MAF: variants seen among roughly 807,000 people sequenced by gnomAD.
MAF encodes transcription factor Maf.
Under a neutral mutation model 22.0 loss-of-function variants are expected in MAF, and 10 were observed. The ratio of observed to expected loss-of-function variants is 0.45; its 90% confidence interval spans 0.28 to 0.77. The LOEUF (loss-of-function observed/expected upper bound fraction) is 0.77, where lower values mean the gene tolerates loss of function less well. MAF is among the 30% of genes least tolerant of loss of function. MAF has a pLI of 0.12. For missense variants in MAF, 544 were observed against 548.4 expected, an observed-to-expected ratio of 0.99 and a Z score of 0.08; for synonymous variants, 337 against 255.8, an observed-to-expected ratio of 1.32 and a Z score of -3.03.
At chr16:79,557,548 A>G in the MAF span, among the ~76,000 whole-genome samples, 1 of 152,086 alleles carries the variant, frequency 6.6e-6, no homozygotes, top group South Asian at 2.1e-4. Context: ...TTTACTACTT[A>G]CGTGGCCTTG....
the MAF span, among the ~76,000 whole-genome samples, chr16:79,542,651 G>C: frequency 6.6e-6 from 1 of 152,186 alleles, no homozygotes; most frequent in Non-Finnish European, 1.5e-5. Flanking sequence ...TCTTGGCCTG[G>C]AGAATCTTGC....
Position 79,594,224 on chromosome 16 carries a change from C to T in MAF, c.*236G>A, listed in dbSNP as rs1913361754. 2 of 505,066 alleles carry T rather than the reference C, an allele frequency of 4.0e-6. No homozygotes were observed. Among genetic ancestry groups the T allele is most frequent in the Non-Finnish European group, 7.1e-6 (2 of 281,368 alleles). The allele number at this position is 505,066 out of a possible 1,614,324, so 31.3% of individuals were successfully genotyped here. A position where few individuals can be genotyped will look rare whatever the true frequency, so the allele number is the denominator to read the frequency against. On this transcript the variant is annotated 3_prime_UTR_variant, in exon 2 of 2. Coordinates refer to ENST00000326043, the MANE Select transcript of MAF (RefSeq NM_005360.5). The stretch of plus-strand genomic sequence containing the variant: ...GTATGGCAGGTTGAAAGCAATGCAC[C>T]TGTTTACTTGCACACACCATAAATC...
chr16:79,221,617 G>C, the MAF span, among the ~76,000 whole-genome samples: 5 of 152,272 alleles, frequency 3.3e-5, no homozygotes, highest in Admixed American at 6.5e-5. Flanking sequence ...AATTCTAGCA[G>C]TTAATCCTAA....
chr16:79,375,224 G>A, the MAF span, among the ~76,000 whole-genome samples: 5 of 152,224 alleles, frequency 3.3e-5, no homozygotes, highest in African/African-American at 9.6e-5. Context: ...AAGTTGAATA[G>A]AACATTTCCT....
chr16:79,250,058 T>G, the MAF span, among the ~76,000 whole-genome samples: 8 of 152,246 alleles, frequency 5.3e-5, no homozygotes, highest in African/African-American at 1.9e-4. Context: ...TTATTTTATT[T>G]TGAATCTGAG....
At chr16:79,303,778 T>C in the MAF span, among the ~76,000 whole-genome samples, 2 of 152,158 alleles carry the variant, frequency 1.3e-5, no homozygotes, top group Non-Finnish European at 2.9e-5. Context: ...AGCCAATGTT[T>C]ATTAAAACAA....
At chr16:79,417,693 T>A in the MAF span, among the ~76,000 whole-genome samples, 1 of 152,186 alleles carries the variant, frequency 6.6e-6, no homozygotes, top group African/African-American at 2.4e-5. Context: ...CCTCCCCACA[T>A]GGCCCTCTAA....
At chr16:79,479,632 G>A in the MAF span, among the ~76,000 whole-genome samples, 1,072 of 152,282 alleles carry the variant, frequency 7.0e-3, 14 homozygotes, top group South Asian at 0.032. Context: ...AGGGTAATCA[G>A]GCCAGTTATG....
the MAF span, among the ~76,000 whole-genome samples, chr16:79,315,113 A>T: frequency 6.6e-6 from 1 of 152,172 alleles, no homozygotes; most frequent in Non-Finnish European, 1.5e-5. Flanking sequence ...TTATTCATTC[A>T]TTCAATTATT....
chr16:79,224,184 T>A, the MAF span, among the ~76,000 whole-genome samples: 1 of 152,214 alleles, frequency 6.6e-6, no homozygotes, highest in South Asian at 2.1e-4. Flanking sequence ...GTTTTATCCC[T>A]GGGATGCAAG....
chr16:79,509,077 A>G, the MAF span, among the ~76,000 whole-genome samples: 2 of 152,234 alleles, frequency 1.3e-5, no homozygotes, highest in African/African-American at 4.8e-5. Flanking sequence ...TCTAGTCTTC[A>G]TATTTATATC....
the MAF span, among the ~76,000 whole-genome samples, chr16:79,400,027 A>G: frequency 1.3e-5 from 2 of 152,202 alleles, no homozygotes; most frequent in Non-Finnish European, 2.9e-5. Flanking sequence ...TAATGGCAGT[A>G]CCCGACACAG....
At chr16:79,491,923 T>C in the MAF span, among the ~76,000 whole-genome samples, 1 of 152,118 alleles carries the variant, frequency 6.6e-6, no homozygotes, top group Non-Finnish European at 1.5e-5. Context: ...CAGGCCTTCA[T>C]AAACAACAGG....
the MAF span, among the ~76,000 whole-genome samples, chr16:79,386,561 C>A: frequency 1.3e-5 from 2 of 152,190 alleles, no homozygotes; most frequent in African/African-American, 4.8e-5. Flanking sequence ...TGGCTCGTAA[C>A]AGGCCATTAA....
chr16:79,436,274 G>T, the MAF span, among the ~76,000 whole-genome samples: 1 of 152,106 alleles, frequency 6.6e-6, no homozygotes. Context: ...GTAGGGATGA[G>T]GTTTTGCCAT....
At chr16:79,217,478 T>C in the MAF span, among the ~76,000 whole-genome samples, 70 of 152,360 alleles carry the variant, frequency 4.6e-4, no homozygotes, top group African/African-American at 1.5e-3. Flanking sequence ...CAAATCATTT[T>C]TGTACATGCC....
At chr16:79,305,695 G>A in the MAF span, among the ~76,000 whole-genome samples, 1 of 152,174 alleles carries the variant, frequency 6.6e-6, no homozygotes, top group African/African-American at 2.4e-5. Context: ...GTAATAGACG[G>A]GTTCTTGTTG....
intron 1 of MAF, chr16:79,595,740 A>G (rs1567563315): frequency 9.5e-7 from 1 of 1,056,710 alleles, no homozygotes; most frequent in East Asian, 5.3e-5. Flanking sequence ...TTTTGCTTTT[A>G]TTTCTGGGGA....
At chr16:79,541,185 T>C in the MAF span, among the ~76,000 whole-genome samples, 2 of 152,198 alleles carry the variant, frequency 1.3e-5, no homozygotes, top group African/African-American at 4.8e-5. Flanking sequence ...CCATTACTGT[T>C]ACTACTGCTG....
Sources: allele counts gnomAD v4.1 joint callset (sites outside exome capture counted in the v4.1 genomes callset), GRCh38; gene constraint gnomAD v4.1.1; transcripts MANE v1.5; gene names NCBI Gene and HGNC (gene_info 2026-07-23, HGNC 2026-07-21).